LRRTM1: variants seen among roughly 807,000 people sequenced by gnomAD.
The protein encoded by LRRTM1 is leucine-rich repeat transmembrane neuronal protein 1.
LRRTM1 carries 8 observed loss-of-function variants against 37.3 expected under a neutral mutation model. The ratio of observed to expected loss-of-function variants is 0.21; its 90% confidence interval spans 0.13 to 0.39. The LOEUF is 0.39. Ranked by LOEUF, LRRTM1 falls within the 10% of genes least tolerant of loss-of-function variation. The pLI, the probability that LRRTM1 is intolerant of heterozygous loss-of-function variation, is 1.00. For missense variants in LRRTM1, 557 were observed against 691.0 expected (o/e 0.81, Z 2.17); for synonymous variants, 326 against 316.8 (o/e 1.03, Z -0.31).
At position 80,302,595 on chromosome 2, in the gene LRRTM1, C is replaced by T. The variant is rs769734369; in HGVS notation, c.1225G>A (p.Ala409Thr). 11 of 1,606,506 alleles carry T rather than the reference C, an allele frequency of 6.8e-6. No homozygotes were observed. The African/African-American group carries it at 9.3e-5, about 14-fold the overall frequency. ...EGQHDGTFEPATVALPGGEHA... is the reference protein window; with the variant it reads ...EGQHDGTFEPTTVALPGGEHA... The stretch of plus-strand genomic sequence containing the variant: ...TCGCCGCCTGGAAGAGCCACGGTGG[C>T]AGGCTCGAATGTGCCGTCGTGCTGC... Residue 409 changes from alanine (A) to threonine (T), a missense_variant, in exon 2 of 2, where the codon GCC becomes ACC. Around this residue, in one of 5 missense-constraint regions of LRRTM1, gnomAD observed 89 missense variants for 80.7 expected, o/e 1.10. Coordinates refer to ENST00000295057, the MANE Select transcript of LRRTM1 (RefSeq NM_178839.5). The surrounding 1 kb of genome is among the most constrained non-coding windows in gnomAD (Gnocchi z 6.4).
chr2:80,302,819 C>T lies in LRRTM1; in HGVS notation c.1001G>A (p.Gly334Glu). The change falls in exon 2 of 2, where the codon GGG becomes GAG. Residue 334 changes from glycine (G) to glutamate (E), a missense_variant. Gly to Glu is a moderately conservative substitution (Grantham distance 98). This residue lies in a region of LRRTM1 where 200 missense variants were observed against 249.9 expected (regional missense o/e 0.80). Transcript: ENST00000295057. This position sits in a 1 kb window ranked among gnomAD's most constrained non-coding sequence, Gnocchi z 6.4. ...ALASWLNNFQ[G>E]RYDGNLQCAS... Reference sequence around the variant, plus strand: ...GCACTGCAAGTTGCCATCGTAGCGCCCCTGGAAGTTGTTGAGCCACGAGGC... The same window carrying T: ...GCACTGCAAGTTGCCATCGTAGCGCTCCTGGAAGTTGTTGAGCCACGAGGC... 2 of 1,613,992 alleles carry T rather than the reference C, an allele frequency of 1.2e-6. No homozygotes were observed. The highest frequency in any genetic ancestry group is 8.5e-7 in the Non-Finnish European group (1 of 1,180,024).
At chr2:80,300,281 G>GT (rs1676144755), downstream of LRRTM1, among the ~76,000 whole-genome samples, 469 of 93,162 alleles carry the variant, frequency 5.0e-3, 4 homozygotes, top group Middle Eastern at 6.9e-3. Flanking sequence ...GGGGTGTTGG[G>GT]GTGTGTGTGT....
Position 80,302,727 on chromosome 2 carries a change from C to T in LRRTM1, c.1093G>A (p.Asp365Asn). 1 of 1,613,052 alleles carries T rather than the reference C, an allele frequency of 6.2e-7. No homozygotes were observed. Among genetic ancestry groups the T allele is most frequent in the Non-Finnish European group, 8.5e-7 (1 of 1,179,880 alleles). Residue 365 changes from aspartate (D) to asparagine (N), a missense_variant, in exon 2 of 2, where the codon GAT becomes AAT. Physicochemically the swap from Asp to Asn is conservative, Grantham distance 23. Around this residue, in one of 5 missense-constraint regions of LRRTM1, gnomAD observed 89 missense variants for 80.7 expected, o/e 1.10. Coordinates refer to ENST00000295057, the MANE Select transcript of LRRTM1 (RefSeq NM_178839.5). This position sits in a 1 kb window ranked among gnomAD's most constrained non-coding sequence, Gnocchi z 6.4. ...TGGCCGCTGGTGGGCTCGGCCCCAT[C>T]CTCGCACAGGTGGAAGGCGTACACG... ...DAVYAFHLCEDGAEPTSGHLL... is the reference protein window; with the variant it reads ...DAVYAFHLCENGAEPTSGHLL...
chr2:80,299,720 T>C (rs1280142435), downstream of LRRTM1: 2 of 152,138 alleles, frequency 1.3e-5, no homozygotes, highest in African/African-American at 4.8e-5. Context: ...AAGATAAAAA[T>C]GTCTTGGGGA....
chr2:80,295,868 C>A (rs1245586777), intron 2 of LRRTM1, among the ~76,000 whole-genome samples: 2 of 152,130 alleles, frequency 1.3e-5, no homozygotes, highest in Non-Finnish European at 2.9e-5. Context: ...TTCTCTAGTT[C>A]CTTATAATTT....
chr2:80,303,320 T>C lies in LRRTM1; in HGVS notation c.500A>G (p.His167Arg), dbSNP rs1342255818. The change falls in exon 2 of 2, where the codon CAT (histidine) becomes CGT (arginine). Residue 167 changes from histidine (H) to arginine (R), a missense_variant. This residue lies in a region of LRRTM1 where 200 missense variants were observed against 249.9 expected (regional missense o/e 0.80). Transcript: ENST00000295057. This position sits in a 1 kb window ranked among gnomAD's most constrained non-coding sequence, Gnocchi z 7.7. ...FHGLRKLTTL[H>R]MRANAIQFVP... ...AAACTGGATGGCGTTGGCCCGCATA[T>C]GCAGCGTGGTGAGCTTCCGCAGCCC... The C allele has an allele frequency of 1.1e-5, 17 of 1,613,736 alleles. No homozygotes were observed. Among genetic ancestry groups the C allele is most frequent in the Non-Finnish European group, 1.4e-5 (17 of 1,180,040 alleles).
rs1676362332 is a variant in LRRTM1 at position 80,301,957 on chromosome 2, C to T, written c.*294G>A. On this transcript the variant is annotated 3_prime_UTR_variant, in exon 2 of 2. Coordinates refer to ENST00000295057, the MANE Select transcript of LRRTM1 (RefSeq NM_178839.5). ...CAATGATTGGTACCTTTTTTACACTCTCAGATTCCTGAATATGGACAGATC... is the reference window on the plus strand; with the variant it reads ...CAATGATTGGTACCTTTTTTACACTTTCAGATTCCTGAATATGGACAGATC... The T allele has an allele frequency of 3.4e-6, 1 of 296,016 alleles. No individual in the cohort carries two copies. The highest frequency in any genetic ancestry group is 6.0e-5 in the East Asian group (1 of 16,656). The allele number at this position is 296,016 out of a possible 1,614,324, so 18.3% of individuals were successfully genotyped here.
chr2:80,294,465 T>C (rs1273878984), intron 2 of LRRTM1, among the ~76,000 whole-genome samples: 3 of 151,396 alleles, frequency 2.0e-5, no homozygotes, highest in Non-Finnish European at 4.4e-5. Flanking sequence ...CCTGACCCCA[T>C]GGAGCCCTGA....
Position 80,302,138 on chromosome 2 carries a change from A to T in LRRTM1, c.*113T>A. On this transcript the variant is annotated 3_prime_UTR_variant, in exon 2 of 2. Transcript: ENST00000295057. This position sits in a 1 kb window ranked among gnomAD's most constrained non-coding sequence, Gnocchi z 6.4. ...CTGGGAGAGATCCCCTTAAAGTTTC[A>T]GTCAAGGAGCATATCAGAGCACAGA... is the stretch of plus-strand genomic sequence containing the variant. 1 of 1,323,832 alleles carries T rather than the reference A, an allele frequency of 7.6e-7. No individual in the cohort carries two copies. The highest frequency in any genetic ancestry group is 1.0e-6 in the Non-Finnish European group (1 of 984,170). 82.0% of individuals were successfully genotyped at this position (1,323,832 alleles called of 1,614,324 possible). A position where few individuals can be genotyped will look rare whatever the true frequency, so the allele number is the denominator to read the frequency against.
chr2:80,296,634 T>G (rs1424031152), intron 2 of LRRTM1, among the ~76,000 whole-genome samples: 1 of 152,226 alleles, frequency 6.6e-6, no homozygotes, highest in Non-Finnish European at 1.5e-5. Context: ...AGACCATTCC[T>G]TGTAAAGCTG....
At chr2:80,300,856 T>A (rs1289708427), downstream of LRRTM1, among the ~76,000 whole-genome samples, 1 of 150,674 alleles carries the variant, frequency 6.6e-6, no homozygotes, top group African/African-American at 2.5e-5. Flanking sequence ...TACCACCACC[T>A]CCTCACTCTT....
At chr2:80,289,999 G>A (rs1675100752) in intron 2 of LRRTM1, among the ~76,000 whole-genome samples, 1 of 152,134 alleles carries the variant, frequency 6.6e-6, no homozygotes, top group South Asian at 2.1e-4. Context: ...CAGAGCTTGG[G>A]TTCTCATCAC....
At chr2:80,295,495 T>G (rs1675665755) in intron 2 of LRRTM1, among the ~76,000 whole-genome samples, 1 of 152,242 alleles carries the variant, frequency 6.6e-6, no homozygotes, top group African/African-American at 2.4e-5. Context: ...GCAAGCCTGA[T>G]GAATCAGAAT....
Position 80,303,608 on chromosome 2 carries a change from G to T in LRRTM1, c.212C>A (p.Ser71Tyr). Residue 71 changes from serine (S) to tyrosine (Y), a missense_variant, in exon 2 of 2, where the codon TCC becomes TAC. By Grantham distance (144) the Ser-to-Tyr change is moderately radical. Transcript: ENST00000295057. The surrounding 1 kb of genome is among the most constrained non-coding windows in gnomAD (Gnocchi z 7.7). ...CTCCGAGAGGCTGTTGTAGCGCAGG[G>T]ACAAGCCCAGCAGGCCGGACAGGTT... ...PHNLSGLLGL[S>Y]LRYNSLSELR... 1 of 1,614,140 alleles carries T rather than the reference G, an allele frequency of 6.2e-7. No individual in the cohort carries two copies. The highest frequency in any genetic ancestry group is 8.5e-7 in the Non-Finnish European group (1 of 1,180,020).
chr2:80,294,846 A>T (rs1187482373), intron 2 of LRRTM1, among the ~76,000 whole-genome samples: 1 of 152,158 alleles, frequency 6.6e-6, no homozygotes, highest in African/African-American at 2.4e-5. Flanking sequence ...CCTTCTTCTC[A>T]TAACACGAGG....
In LRRTM1 at chr2:80,302,753, G is replaced by A. The variant is rs1468749327; in HGVS notation, c.1067C>T (p.Ala356Val). 1 of 1,613,190 alleles carries A rather than the reference G, an allele frequency of 6.2e-7. No individual in the cohort carries two copies. Among genetic ancestry groups the A allele is most frequent in the Non-Finnish European group, 8.5e-7 (1 of 1,179,892 alleles). Residue 356 changes from alanine to valine, a missense_variant, in exon 2 of 2, where the codon GCC becomes GTC. Ala to Val is a moderately conservative substitution (Grantham distance 64). Around this residue, in one of 5 missense-constraint regions of LRRTM1, gnomAD observed 89 missense variants for 80.7 expected, o/e 1.10. Coordinates refer to ENST00000295057, the MANE Select transcript of LRRTM1 (RefSeq NM_178839.5). This position sits in a 1 kb window ranked among gnomAD's most constrained non-coding sequence, Gnocchi z 6.4. ...CTCGCACAGGTGGAAGGCGTACACG[G>A]CGTCCAGGACGTCCTCGCCCTGTGC... ...EYAQGEDVLD[A>V]VYAFHLCEDG... is the part of the protein sequence containing the mutation.
In LRRTM1 at chr2:80,303,723, G is replaced by A; in HGVS notation, c.97C>T (p.Pro33Ser). The change falls in exon 2 of 2, where the codon CCC becomes TCC. Residue 33 changes from proline to serine, a missense_variant. Physicochemically the swap from Pro to Ser is moderately conservative, Grantham distance 74 (BLOSUM62 -1). Transcript: ENST00000295057. The surrounding 1 kb of genome is among the most constrained non-coding windows in gnomAD (Gnocchi z 7.7). ...CLLGACFQML[P>S]AAPSGCPQLC... Reference sequence around the variant, plus strand: ...TGCGGGCACCCGCTGGGGGCGGCGGGCAGCATCTGAAAGCAGGCCCCCAGC... The same window carrying A: ...TGCGGGCACCCGCTGGGGGCGGCGGACAGCATCTGAAAGCAGGCCCCCAGC... The A allele has an allele frequency of 6.2e-7, 1 of 1,605,930 alleles. No individual in the cohort carries two copies. The highest frequency in any genetic ancestry group is 8.5e-7 in the Non-Finnish European group (1 of 1,175,982).
downstream of LRRTM1, among the ~76,000 whole-genome samples, chr2:80,300,361 CTT>C (rs1676171026): frequency 1.4e-5 from 2 of 147,262 alleles, no homozygotes; most frequent in African/African-American, 5.0e-5. Flanking sequence ...GGCTTAACAT[CTT>C]AAAAGACATT....
Position 80,302,706 on chromosome 2 carries a change from C to T in LRRTM1, c.1114G>A (p.Gly372Ser). 2 of 1,612,758 alleles carry T rather than the reference C, an allele frequency of 1.2e-6. No homozygotes were observed. Among genetic ancestry groups the T allele is most frequent in the Non-Finnish European group, 1.7e-6 (2 of 1,179,786 alleles). Residue 372 changes from glycine (G) to serine (S), a missense_variant, in exon 2 of 2, where the codon GGC becomes AGC. Gly to Ser is a moderately conservative substitution (Grantham distance 56). Coordinates refer to ENST00000295057, the MANE Select transcript of LRRTM1 (RefSeq NM_178839.5). This position sits in a 1 kb window ranked among gnomAD's most constrained non-coding sequence, Gnocchi z 6.4. ...LCEDGAEPTSGHLLSAVTNRS... is the reference protein window; with the variant it reads ...LCEDGAEPTSSHLLSAVTNRS... ...TTGGTGACGGCCGAGAGCAGGTGGC[C>T]GCTGGTGGGCTCGGCCCCATCCTCG...
Sources: allele counts gnomAD v4.1 joint callset (sites outside exome capture counted in the v4.1 genomes callset), GRCh38; gene constraint gnomAD v4.1.1; regional missense constraint gnomAD v4.1.1; non-coding constraint Gnocchi (gnomAD v3.1); transcripts MANE v1.5; gene names NCBI Gene and HGNC (gene_info 2026-07-23, HGNC 2026-07-21).